The following RCBTB2 variants were observed in gnomAD, a reference collection of about 807,000 sequenced individuals.
RCBTB2 encodes the protein RCC1 and BTB domain-containing protein 2.
A neutral mutation model predicts 65.4 loss-of-function variants in RCBTB2; 55 were observed. That is an observed-to-expected ratio of 0.84 (90% CI 0.68 to 1.05). The LOEUF (loss-of-function observed/expected upper bound fraction) is 1.05. Ranked by LOEUF, RCBTB2 falls within the 50% of genes least tolerant of loss-of-function variation. The pLI, the probability that RCBTB2 is intolerant of heterozygous loss-of-function variation, is 0.00. For synonymous variants in RCBTB2, 220 were observed against 255.2 expected, an observed-to-expected ratio of 0.86 and a Z score of 1.31; for missense variants, 599 against 680.1, an observed-to-expected ratio of 0.88 and a Z score of 1.33.
At chr13:48,526,477 G>A (rs577643597) in intron 1 of RCBTB2, among the ~76,000 whole-genome samples, 9 of 151,928 alleles carry the variant, frequency 5.9e-5, no homozygotes, top group Middle Eastern at 6.8e-3. Context: ...TGGAGGCTGC[G>A]GTGAACCATG....
chr13:48,500,512 C>T (rs1283226959), intron 12 of RCBTB2, among the ~76,000 whole-genome samples: 1 of 152,140 alleles, frequency 6.6e-6, no homozygotes, highest in Non-Finnish European at 1.5e-5. Flanking sequence ...GAGCCGAGAT[C>T]AGGCCACTGC....
intron 10 of RCBTB2, among the ~76,000 whole-genome samples, chr13:48,508,867 C>G (rs1007906617): frequency 6.6e-6 from 1 of 152,216 alleles, no homozygotes; most frequent in Non-Finnish European, 1.5e-5. Flanking sequence ...CTTGACGCCC[C>G]ACAATCCATC....
At chr13:48,527,343 T>TATATATATATC (rs1566337063) in intron 1 of RCBTB2, among the ~76,000 whole-genome samples, 1 of 125,392 alleles carries the variant, frequency 8.0e-6, no homozygotes, top group African/African-American at 4.8e-5. Flanking sequence ...ATATGATATA[T>TATATATATATC]ATATATATGA....
chr13:48,503,867 G>C (rs913240117), intron 10 of RCBTB2, among the ~76,000 whole-genome samples: 7 of 152,160 alleles, frequency 4.6e-5, no homozygotes, highest in Admixed American at 2.6e-4. Context: ...CTTCTTAATG[G>C]AAAACATTGT....
intron 1 of RCBTB2, among the ~76,000 whole-genome samples, chr13:48,531,637 G>A (rs1389091328): frequency 6.6e-6 from 1 of 152,218 alleles, no homozygotes; most frequent in Non-Finnish European, 1.5e-5. Flanking sequence ...CCTGAGTGGT[G>A]GAAGTGGGGT....
chr13:48,500,746 C>T (rs2138449757), intron 12 of RCBTB2, among the ~76,000 whole-genome samples: 1 of 152,290 alleles, frequency 6.6e-6, no homozygotes, highest in East Asian at 1.9e-4. Context: ...CCAGGTGACA[C>T]TTTTGATCTG....
Position 48,490,130 on chromosome 13 carries a change from A to G in RCBTB2, c.1637T>C (p.Val546Ala). ...LKNFISKASRVGAFKN is the reference protein window; with the variant it reads ...LKNFISKASRAGAFKN ...ATGGGATCAATTTTTAAAGGCTCCA[A>G]CTCTGCTTGCTTTGCTGATAAAGTT... is the stretch of plus-strand genomic sequence containing the variant. The change falls in exon 15 of 15, where the codon GTT becomes GCT. Residue 546 changes from valine (V) to alanine (A), a missense_variant. Coordinates refer to ENST00000344532, the MANE Select transcript of RCBTB2 (RefSeq NM_001268.4). The G allele has an allele frequency of 1.2e-6, 2 of 1,614,028 alleles. No homozygotes were observed. The highest frequency in any genetic ancestry group is 1.7e-6 in the Non-Finnish European group (2 of 1,179,960).
chr13:48,532,880 T>C (rs1231657931), intron 1 of RCBTB2, 148 bp downstream of exon 1: 1 of 417,602 alleles, frequency 2.4e-6, no homozygotes, highest in Non-Finnish European at 4.8e-6. Context: ...GTCGCGGCTC[T>C]AGTCCCCTGG....
chr13:48,515,829 G>T, intron 4 of RCBTB2, 88 bp from the exon 5 acceptor site: 1 of 1,293,484 alleles, frequency 7.7e-7, no homozygotes, highest in Non-Finnish European at 1.1e-6. Context: ...GGCGAACACT[G>T]GTTTTGGGAG....
chr13:48,511,475 A>C (rs966599283), intron 9 of RCBTB2, among the ~76,000 whole-genome samples: 4 of 152,186 alleles, frequency 2.6e-5, no homozygotes, highest in African/African-American at 9.7e-5. Flanking sequence ...TTGGTTCCTC[A>C]GGGAAATTCC....
chr13:48,496,745 G>A (rs1052871360), intron 13 of RCBTB2, among the ~76,000 whole-genome samples: 1 of 144,042 alleles, frequency 6.9e-6, no homozygotes, highest in African/African-American at 2.6e-5. Context: ...AAGAAAAGAA[G>A]AGAGGACAGG....
intron 10 of RCBTB2, among the ~76,000 whole-genome samples, chr13:48,503,157 C>T (rs938730831): frequency 6.6e-6 from 1 of 152,238 alleles, no homozygotes; most frequent in Non-Finnish European, 1.5e-5. Flanking sequence ...TCATGAAGAT[C>T]TGTTTGTACC....
intron 1 of RCBTB2, among the ~76,000 whole-genome samples, chr13:48,527,361 T>TATATATCATATATATATATGATATA: frequency 8.9e-6 from 1 of 112,444 alleles, no homozygotes; most frequent in African/African-American, 5.5e-5. Flanking sequence ...TGATATATAT[T>TATATATCATATATATATATGATATA]TATATATGAT....
intron 1 of RCBTB2, among the ~76,000 whole-genome samples, chr13:48,526,765 A>C (rs138261630): frequency 1.8e-3 from 274 of 151,780 alleles, no homozygotes; most frequent in African/African-American, 6.0e-3. Flanking sequence ...AAAATACAAA[A>C]ATTAGCCAGG....
chr13:48,532,996 C>T (rs749060065), intron 1 of RCBTB2, 32 bp downstream of exon 1: 1 of 455,718 alleles, frequency 2.2e-6, no homozygotes, highest in South Asian at 1.5e-5. Flanking sequence ...CGATCCCCCT[C>T]GGCCTCCCAC....
intron 14 of RCBTB2, among the ~76,000 whole-genome samples, chr13:48,492,987 G>A (rs1949764593): frequency 6.6e-6 from 1 of 151,958 alleles, no homozygotes; most frequent in Non-Finnish European, 1.5e-5. Context: ...CCCCCAAAAT[G>A]TTGCTCCTAT....
intron 11 of RCBTB2, 39 bp downstream of exon 11, chr13:48,502,685 T>C (rs1189716914): frequency 6.4e-7 from 1 of 1,563,348 alleles, no homozygotes; most frequent in Non-Finnish European, 8.7e-7. Flanking sequence ...CTTTCCCAGA[T>C]TTTCAGGCCA....
chr13:48,534,868 T>TA (rs2138695798), upstream of RCBTB2, among the ~76,000 whole-genome samples: 1 of 152,348 alleles, frequency 6.6e-6, no homozygotes, highest in South Asian at 2.1e-4. Flanking sequence ...TTTCAGGAGT[T>TA]AAAGTTCCCA....
chr13:48,489,974 C>T lies in RCBTB2; in HGVS notation c.*137G>A, dbSNP rs758112881. On this transcript the variant is annotated 3_prime_UTR_variant, in exon 15 of 15. Coordinates refer to ENST00000344532, the MANE Select transcript of RCBTB2 (RefSeq NM_001268.4). ...GTTTAGGCAGACAAAGACCACTCAC[C>T]ACCATCCTTCTTCTGACAGTTACAA... The T allele has an allele frequency of 1.3e-5, 12 of 928,570 alleles. No individual in the cohort carries two copies. Among genetic ancestry groups the T allele is most frequent in the Non-Finnish European group, 1.7e-5 (10 of 587,694 alleles). The allele number at this position is 928,570 out of a possible 1,614,324, so 57.5% of individuals were successfully genotyped here. A position where few individuals can be genotyped will look rare whatever the true frequency, so the allele number is the denominator to read the frequency against.
Sources: gnomAD v4.1 joint callset for allele counts (sites outside exome capture counted in the v4.1 genomes callset) on GRCh38, gnomAD v4.1.1 for gene constraint, MANE v1.5 for transcripts, NCBI Gene and HGNC (gene_info 2026-07-23, HGNC 2026-07-21) for gene names.